The following MAN1A1 variants were observed in gnomAD, a reference collection of about 807,000 sequenced individuals.
The protein encoded by MAN1A1 is mannosidase alpha class 1A member 1, also known as mannosyl-oligosaccharide 1,2-alpha-mannosidase IA.
MAN1A1 carries 29 observed loss-of-function variants against 70.8 expected under a neutral mutation model. The observed-to-expected ratio is 0.41, with a 90% CI of 0.31 to 0.56. The LOEUF (loss-of-function observed/expected upper bound fraction) is 0.56, where lower values mean the gene tolerates loss of function less well. MAN1A1 is among the 20% of genes least tolerant of loss of function. The pLI is 0.29. For synonymous variants in MAN1A1, 349 were observed against 330.1 expected (o/e 1.06, Z -0.62); for missense variants, 747 against 841.3 (o/e 0.89, Z 1.39).
At chr6:119,266,353 T>C (rs6934579) in intron 5 of MAN1A1, among the ~76,000 whole-genome samples, 8,268 of 151,994 alleles carry the variant, frequency 0.054, 309 homozygotes, top group African/African-American at 0.1. Context: ...GAAATGAAGA[T>C]AATCTTGTCT....
At chr6:119,215,296 T>C (rs1470316667) in intron 6 of MAN1A1, among the ~76,000 whole-genome samples, 1 of 152,230 alleles carries the variant, frequency 6.6e-6, no homozygotes, top group Admixed American at 6.5e-5. Flanking sequence ...TTCTTCTTTA[T>C]GTTCTGCTAA....
intron 6 of MAN1A1, among the ~76,000 whole-genome samples, chr6:119,238,646 G>A (rs1369352381): frequency 1.3e-5 from 2 of 152,112 alleles, no homozygotes; most frequent in Non-Finnish European, 2.9e-5. Context: ...ATTATCTTAA[G>A]AACTTGACTT....
chr6:119,209,753 G>A (rs1464859197), intron 6 of MAN1A1, among the ~76,000 whole-genome samples: 4 of 152,072 alleles, frequency 2.6e-5, no homozygotes, highest in Non-Finnish European at 5.9e-5. Flanking sequence ...ACACTCTTAG[G>A]ACCTCACTAA....
In MAN1A1 at chr6:119,314,179, C is replaced by T. The variant is rs76614424; in HGVS notation, c.604-7187G>A. On this transcript the variant is annotated intron_variant, in intron 2 of 12. Transcript: ENST00000368468. ...AGGCTGCCCTTCAGGGCCAGCTTCCCGGACTGCTCTGGTAGCAACATATGT... is the reference window on the plus strand; with the variant it reads ...AGGCTGCCCTTCAGGGCCAGCTTCCTGGACTGCTCTGGTAGCAACATATGT... Among the ~76,000 whole-genome samples, 910 of 152,310 alleles carry T rather than the reference C, an allele frequency of 6.0e-3. 31 individuals are homozygous for T. In the East Asian group the frequency reaches 0.09, roughly 15 times the overall value.
chr6:119,288,789 C>T (rs772442546), intron 5 of MAN1A1, among the ~76,000 whole-genome samples: 4 of 151,334 alleles, frequency 2.6e-5, no homozygotes, highest in Non-Finnish European at 4.4e-5. Context: ...AATATGGGTC[C>T]CTATAACTAA....
At chr6:119,300,864 G>T (rs957520832) in intron 4 of MAN1A1, among the ~76,000 whole-genome samples, 1 of 151,892 alleles carries the variant, frequency 6.6e-6, no homozygotes, top group African/African-American at 2.4e-5. Context: ...TCCCAAATGC[G>T]GTATATATAG....
chr6:119,190,263 G>A (rs1025825219), intron 9 of MAN1A1, among the ~76,000 whole-genome samples: 2 of 152,176 alleles, frequency 1.3e-5, no homozygotes, highest in Non-Finnish European at 2.9e-5. Context: ...GCCCTAAGGT[G>A]GATGAAGAAC....
chr6:119,330,534 C>T (rs1773280696), intron 2 of MAN1A1, among the ~76,000 whole-genome samples: 1 of 152,148 alleles, frequency 6.6e-6, no homozygotes, highest in African/African-American at 2.4e-5. Flanking sequence ...ACTGCCGAGC[C>T]TTCTAACACA....
chr6:119,331,950 C>T (rs752499847), intron 2 of MAN1A1: 3 of 510,776 alleles, frequency 5.9e-6, no homozygotes, highest in South Asian at 4.3e-5. Flanking sequence ...ATTTCAACCT[C>T]GCAGGAGCTG....
At chr6:119,260,327 C>G (rs1775572646) in intron 5 of MAN1A1, among the ~76,000 whole-genome samples, 1 of 152,184 alleles carries the variant, frequency 6.6e-6, no homozygotes, top group Non-Finnish European at 1.5e-5. Context: ...GTATCATACA[C>G]TAGTTCTGGT....
chr6:119,263,759 CT>C (rs1775676422), intron 5 of MAN1A1, among the ~76,000 whole-genome samples: 1 of 151,990 alleles, frequency 6.6e-6, no homozygotes, highest in South Asian at 2.1e-4. Flanking sequence ...AAAAAAGAAT[CT>C]TTATTATATA....
chr6:119,183,762 T>A (rs544878507), intron 11 of MAN1A1, among the ~76,000 whole-genome samples: 1 of 152,230 alleles, frequency 6.6e-6, no homozygotes, highest in East Asian at 1.9e-4. Flanking sequence ...ACAAGTCCTC[T>A]TGGGGTAAGC....
intron 2 of MAN1A1, among the ~76,000 whole-genome samples, chr6:119,312,635 C>T (rs1161330744): frequency 6.6e-6 from 1 of 152,128 alleles, no homozygotes; most frequent in Non-Finnish European, 1.5e-5. Context: ...AGACCTGATA[C>T]TAAGGCCGGT....
intron 6 of MAN1A1, among the ~76,000 whole-genome samples, chr6:119,234,430 G>T (rs79807810): frequency 1.3e-5 from 2 of 149,256 alleles, no homozygotes; most frequent in African/African-American, 2.5e-5. Flanking sequence ...TTTTTTTTTT[G>T]AGAGACAGGG....
At chr6:119,321,268 C>T (rs1196343801) in intron 2 of MAN1A1, among the ~76,000 whole-genome samples, 1 of 152,166 alleles carries the variant, frequency 6.6e-6, no homozygotes, top group Admixed American at 6.5e-5. Flanking sequence ...TATTAGAATT[C>T]CATATCCTTC....
At chr6:119,349,942 C>G (rs1420652133), upstream of MAN1A1, among the ~76,000 whole-genome samples, 5 of 151,750 alleles carry the variant, frequency 3.3e-5, no homozygotes, top group African/African-American at 1.2e-4. Context: ...GCCCGGCCGG[C>G]GGCGGGGAGG....
intron 2 of MAN1A1, among the ~76,000 whole-genome samples, chr6:119,318,985 C>T (rs1038628839): frequency 6.6e-6 from 1 of 152,168 alleles, no homozygotes; most frequent in East Asian, 1.9e-4. Flanking sequence ...ATACTCTAAA[C>T]ATTGCCACTA....
intron 2 of MAN1A1, among the ~76,000 whole-genome samples, chr6:119,309,766 A>T (rs1178428896): frequency 1.3e-5 from 2 of 152,212 alleles, no homozygotes; most frequent in Non-Finnish European, 2.9e-5. Flanking sequence ...CCAAAATTTC[A>T]TAATTGCAAC....
At chr6:119,186,793 A>G (rs1446607556) in intron 11 of MAN1A1, among the ~76,000 whole-genome samples, 3 of 152,162 alleles carry the variant, frequency 2.0e-5, no homozygotes, top group Non-Finnish European at 2.9e-5. Flanking sequence ...ACACCAGGGG[A>G]AAAACGTGCG....
Sources: allele counts gnomAD v4.1 joint callset (sites outside exome capture counted in the v4.1 genomes callset), GRCh38; gene constraint gnomAD v4.1.1; transcripts MANE v1.5; gene names NCBI Gene and HGNC (gene_info 2026-07-23, HGNC 2026-07-21).